Variants in CDKN3 observed in about 807,000 individuals in gnomAD.
CDKN3 encodes cyclin dependent kinase inhibitor 3.
Under a neutral mutation model 36.1 loss-of-function variants are expected in CDKN3, and 19 were observed. That is an observed-to-expected ratio of 0.53 (90% CI 0.37 to 0.77). The LOEUF (loss-of-function observed/expected upper bound fraction) is 0.77. Among genes scored for constraint, CDKN3 ranks in the 30% least tolerant of loss-of-function variants. The probability of loss-of-function intolerance (pLI) is 0.00; values close to 1 mark genes in which losing one functional copy is unlikely to be tolerated. For missense variants in CDKN3, 188 were observed against 248.6 expected (o/e 0.76, Z 1.64); for synonymous variants, 71 against 85.3 (o/e 0.83, Z 0.92).
intron 1 of CDKN3, 66 bp downstream of exon 1, chr14:54,397,143 G>A: frequency 7.1e-7 from 1 of 1,411,248 alleles, no homozygotes; most frequent in South Asian, 1.5e-5. Context: ...CCGGGGACCC[G>A]ATCCTGGGCC....
Position 54,418,312 on chromosome 14 carries a change from T to C in CDKN3, c.552+361T>C, listed in dbSNP as rs755866558. On this transcript the variant is annotated intron_variant, in intron 7 of 7. Transcript: ENST00000335183. ...TTATTGTTAATACAAACTTGGTACG[T>C]TCTTGGGTAGATTCTTGGCCAAAAA... The C allele has an allele frequency of 4.3e-6, 3 of 694,958 alleles. No homozygotes were observed. In the South Asian group the frequency reaches 4.6e-5, roughly 11 times the overall value. 43.0% of individuals were successfully genotyped at this position (694,958 alleles called of 1,614,324 possible).
intron 3 of CDKN3, among the ~76,000 whole-genome samples, chr14:54,404,284 G>T (rs1054212955): frequency 3.3e-5 from 5 of 152,134 alleles, no homozygotes; most frequent in Non-Finnish European, 5.9e-5. Flanking sequence ...TCTTGGGAGG[G>T]TGTATGTGTC....
rs1475345813 is a variant in CDKN3, at chr14:54,399,904, T to C, written c.20T>C (p.Ile7Thr). 4.5e-6 allele frequency: 7 copies of C among 1,567,170 alleles called. No individual in the cohort carries two copies. Among genetic ancestry groups the C allele is most frequent in the South Asian group, 2.2e-5 (2 of 90,086 alleles). MKPPSSIQTSEFDSSDE... is the reference protein window; with the variant it reads MKPPSSTQTSEFDSSDE... ...ACATTTCTTTTGAAGCCCAGTTCAA[T>C]ACAAACAAGTGAGTTTGACTCATCA... Residue 7 changes from isoleucine to threonine, a missense_variant, in exon 2 of 8, where the codon ATA becomes ACA. Ile to Thr is a moderately conservative substitution (Grantham distance 89). Coordinates refer to ENST00000335183, the MANE Select transcript of CDKN3 (RefSeq NM_005192.4).
At chr14:54,410,785 T>C (rs2030322226) in intron 4 of CDKN3, among the ~76,000 whole-genome samples, 1 of 151,638 alleles carries the variant, frequency 6.6e-6, no homozygotes. Context: ...AGTGCTATCA[T>C]CCTTAATTGA....
intron 3 of CDKN3, among the ~76,000 whole-genome samples, chr14:54,402,160 C>T (rs552529287): frequency 2.2e-4 from 33 of 150,224 alleles, no homozygotes; most frequent in African/African-American, 6.6e-4. Flanking sequence ...GAGCCGAGAT[C>T]GCACCACTGC....
chr14:54,407,032 G>C (rs2030184106), intron 3 of CDKN3, among the ~76,000 whole-genome samples: 1 of 152,078 alleles, frequency 6.6e-6, no homozygotes, highest in Admixed American at 6.6e-5. Flanking sequence ...TTTCTGCGTG[G>C]GCGTCCTTTC....
At chr14:54,406,559 T>A (rs58190326) in intron 3 of CDKN3, among the ~76,000 whole-genome samples, 3,649 of 152,024 alleles carry the variant, frequency 0.024, 164 homozygotes, top group African/African-American at 0.084. Context: ...TTTTCTCTAA[T>A]TTTGTCTTCA....
chr14:54,404,798 G>C (rs954462757), intron 3 of CDKN3, among the ~76,000 whole-genome samples: 1 of 143,706 alleles, frequency 7.0e-6, no homozygotes, highest in Admixed American at 6.9e-5. Context: ...GGATGGTCTC[G>C]ATCTCCTGAC....
intron 5 of CDKN3, 139 bp downstream of exon 5, chr14:54,411,845 C>T (rs771664238): frequency 4.2e-6 from 3 of 708,286 alleles, no homozygotes; most frequent in Admixed American, 2.0e-5. Flanking sequence ...TAGGAAAGCA[C>T]TGGCACAATG....
intron 5 of CDKN3, among the ~76,000 whole-genome samples, chr14:54,412,255 C>T (rs564213861): frequency 1.3e-5 from 2 of 152,076 alleles, no homozygotes; most frequent in Admixed American, 1.3e-4. Flanking sequence ...CATGGTGGTA[C>T]GTGCCTGTAG....
chr14:54,405,081 C>G (rs555894711), intron 3 of CDKN3, among the ~76,000 whole-genome samples: 2 of 152,204 alleles, frequency 1.3e-5, no homozygotes, highest in South Asian at 4.2e-4. Flanking sequence ...CAAATAACTT[C>G]TTTTTTTCTG....
chr14:54,401,620 A>G, intron 3 of CDKN3, 41 bp downstream of exon 3: 1 of 1,307,406 alleles, frequency 7.6e-7, no homozygotes, highest in Non-Finnish European at 1.1e-6. Context: ...ATATGTATAT[A>G]TTTTTTAATA....
intron 7 of CDKN3, 71 bp from the exon 8 acceptor site, chr14:54,419,921 C>A: frequency 1.2e-6 from 1 of 809,726 alleles, no homozygotes; most frequent in Non-Finnish European, 2.1e-6. Flanking sequence ...TTCCTGATAC[C>A]TGCTAATATT....
intron 3 of CDKN3, among the ~76,000 whole-genome samples, chr14:54,402,854 G>T (rs2030008717): frequency 6.6e-6 from 1 of 152,116 alleles, no homozygotes; most frequent in African/African-American, 2.4e-5. Flanking sequence ...AAGATCAGAT[G>T]GTTATAGATG....
intron 5 of CDKN3, among the ~76,000 whole-genome samples, chr14:54,415,023 A>G (rs1566710079): frequency 6.6e-6 from 1 of 152,206 alleles, no homozygotes; most frequent in Non-Finnish European, 1.5e-5. Flanking sequence ...AATACAATAC[A>G]GTAATTGATG....
chr14:54,418,712 A>G (rs1232421543), intron 7 of CDKN3, among the ~76,000 whole-genome samples: 1 of 152,206 alleles, frequency 6.6e-6, no homozygotes, highest in African/African-American at 2.4e-5. Flanking sequence ...TGGAGGTCTA[A>G]TCCAGTGTCA....
intron 3 of CDKN3, 94 bp from the exon 4 acceptor site, chr14:54,408,651 A>T: frequency 7.8e-7 from 1 of 1,278,792 alleles, no homozygotes; most frequent in Non-Finnish European, 1.1e-6. Flanking sequence ...GATTACGTGA[A>T]ATGACTTTAT....
chr14:54,398,026 G>T (rs1886366851), intron 1 of CDKN3, among the ~76,000 whole-genome samples: 1 of 152,202 alleles, frequency 6.6e-6, no homozygotes, highest in Non-Finnish European at 1.5e-5. Context: ...AGCTACTCGG[G>T]AGGCTGAGCC....
At chr14:54,398,804 G>A (rs764279489) in intron 1 of CDKN3, among the ~76,000 whole-genome samples, 41 of 152,080 alleles carry the variant, frequency 2.7e-4, no homozygotes, top group Non-Finnish European at 4.9e-4. Context: ...GATTCATAAA[G>A]TTGGAGGCAG....
Sources: gnomAD v4.1 joint callset for allele counts (sites outside exome capture counted in the v4.1 genomes callset) on GRCh38, gnomAD v4.1.1 for gene constraint, MANE v1.5 for transcripts, NCBI Gene and HGNC (gene_info 2026-07-23, HGNC 2026-07-21) for gene names.